The following GNAI1 variants were observed in gnomAD, a reference collection of about 807,000 sequenced individuals.
GNAI1 encodes G protein subunit alpha i1, also known as guanine nucleotide-binding protein G(i) subunit alpha-1.
GNAI1 carries 11 observed loss-of-function variants against 38.9 expected under a neutral mutation model. The observed-to-expected ratio is 0.28, with a 90% CI of 0.18 to 0.47. The LOEUF (loss-of-function observed/expected upper bound fraction) is 0.47. Among genes scored for constraint, GNAI1 ranks in the 20% least tolerant of loss-of-function variants. GNAI1 has a pLI of 0.99. For missense variants in GNAI1, 317 were observed against 436.9 expected (o/e 0.73, Z 2.45); for synonymous variants, 166 against 145.1 (o/e 1.14, Z -1.04).
chr7:80,198,091 T>G (rs371892673), intron 3 of GNAI1, among the ~76,000 whole-genome samples: 11 of 152,080 alleles, frequency 7.2e-5, no homozygotes, highest in African/African-American at 2.4e-4. Context: ...TTGTTTTTTT[T>G]TTAATTGTGT....
Position 80,225,824 on chromosome 7 carries a change from G to A in GNAI1, c.*8331G>A, listed in dbSNP as rs1029179543. Among the ~76,000 whole-genome samples, 13 of 152,070 alleles carry A rather than the reference G, an allele frequency of 8.5e-5. No individual in the cohort carries two copies. The highest frequency in any genetic ancestry group is 7.2e-4 in the Admixed American group (11 of 15,264). ...TTGAGTTCATTAGTTTAATGGGATC[G>A]ATCTGAGAAAAATTAGATTTATGTG... On this transcript the variant is annotated 3_prime_UTR_variant, in exon 8 of 8. Coordinates refer to ENST00000649796, the MANE Select transcript of GNAI1 (RefSeq NM_002069.6).
chr7:80,190,752 G>A (rs1322388667), intron 3 of GNAI1, among the ~76,000 whole-genome samples: 1 of 152,000 alleles, frequency 6.6e-6, no homozygotes, highest in Non-Finnish European at 1.5e-5. Flanking sequence ...TCTGCATTTG[G>A]ATCTTTTATG....
intron 7 of GNAI1, among the ~76,000 whole-genome samples, chr7:80,213,742 G>C (rs1788912085): frequency 6.6e-6 from 1 of 151,740 alleles, no homozygotes; most frequent in South Asian, 2.1e-4. Flanking sequence ...CATTCAGTAT[G>C]CCTTAAAAAA....
intron 5 of GNAI1, among the ~76,000 whole-genome samples, chr7:80,209,755 T>G (rs891478111): frequency 2.0e-5 from 3 of 152,194 alleles, no homozygotes; most frequent in Non-Finnish European, 4.4e-5. Flanking sequence ...CCTGGGCATT[T>G]TAGCAAATGG....
At chr7:80,190,315 A>G (rs1788459774) in intron 3 of GNAI1, among the ~76,000 whole-genome samples, 1 of 152,022 alleles carries the variant, frequency 6.6e-6, no homozygotes, top group Non-Finnish European at 1.5e-5. Flanking sequence ...ACTGTTTTTT[A>G]AACTTTTTTA....
chr7:80,147,685 C>T (rs978202961), intron 1 of GNAI1, among the ~76,000 whole-genome samples: 3 of 152,138 alleles, frequency 2.0e-5, no homozygotes, highest in African/African-American at 7.2e-5. Context: ...AACATGATTT[C>T]CCATTGCTTT....
intron 1 of GNAI1, among the ~76,000 whole-genome samples, chr7:80,157,807 A>G (rs1448557524): frequency 1.3e-5 from 2 of 152,108 alleles, no homozygotes; most frequent in East Asian, 3.9e-4. Context: ...CCCAGATTCA[A>G]ACAATTCTCC....
chr7:80,177,502 A>G (rs1788207349), intron 1 of GNAI1, among the ~76,000 whole-genome samples: 2 of 152,154 alleles, frequency 1.3e-5, no homozygotes, highest in Admixed American at 1.3e-4. Context: ...CTGTTTTTAG[A>G]GACAAGATCT....
chr7:80,201,780 A>G (rs1325499466), intron 4 of GNAI1, among the ~76,000 whole-genome samples: 1 of 152,138 alleles, frequency 6.6e-6, no homozygotes, highest in Non-Finnish European at 1.5e-5. Flanking sequence ...GTTTTACATT[A>G]TTTTATTTCT....
chr7:80,179,418 C>T (rs1222451086), intron 1 of GNAI1, among the ~76,000 whole-genome samples: 1 of 152,176 alleles, frequency 6.6e-6, no homozygotes, highest in Non-Finnish European at 1.5e-5. Context: ...ATCATAGCTT[C>T]AGAACCACTG....
At chr7:80,181,524 T>C (rs1788292794) in intron 1 of GNAI1, among the ~76,000 whole-genome samples, 1 of 152,116 alleles carries the variant, frequency 6.6e-6, no homozygotes, top group Admixed American at 6.6e-5. Context: ...ATCGAGTGGG[T>C]GTGTAGATTC....
rs190261986 is a variant in GNAI1, at chr7:80,159,729, T to A, written c.118+24451T>A. On this transcript the variant is annotated intron_variant, in intron 1 of 7. Transcript: ENST00000649796. ...TCCAGGTAGATATTCTTGATTTCAC[T>A]TTTTTGTATTGTATTAAGAGTCTAG... Among the ~76,000 whole-genome samples, 4 of 152,272 alleles carry A rather than the reference T, an allele frequency of 2.6e-5. No homozygotes were observed. The East Asian group carries it at 7.7e-4, about 29-fold the overall frequency.
At chr7:80,146,693 C>A (rs999413990) in intron 1 of GNAI1, among the ~76,000 whole-genome samples, 2 of 152,142 alleles carry the variant, frequency 1.3e-5, no homozygotes, top group Non-Finnish European at 2.9e-5. Context: ...AGCCACAGTC[C>A]AGTCCATCTC....
At chr7:80,200,277 G>T (rs1316978524) in intron 4 of GNAI1, among the ~76,000 whole-genome samples, 1 of 126,868 alleles carries the variant, frequency 7.9e-6, no homozygotes, top group Non-Finnish European at 1.6e-5. Flanking sequence ...AGTGAGCCAT[G>T]CTCGTACCAC....
intron 1 of GNAI1, among the ~76,000 whole-genome samples, chr7:80,144,971 T>C (rs1787593029): frequency 6.6e-6 from 1 of 152,178 alleles, no homozygotes; most frequent in South Asian, 2.1e-4. Context: ...GCTGGGACTA[T>C]AAGATGGTGC....
intron 1 of GNAI1, among the ~76,000 whole-genome samples, chr7:80,139,999 T>C (rs1476959292): frequency 6.6e-6 from 1 of 151,568 alleles, no homozygotes; most frequent in Non-Finnish European, 1.5e-5. Flanking sequence ...TTTTTCCTTT[T>C]TTTTGACGGA....
At chr7:80,211,436 T>G (rs1788871346) in intron 6 of GNAI1, among the ~76,000 whole-genome samples, 1 of 147,864 alleles carries the variant, frequency 6.8e-6, no homozygotes, top group Non-Finnish European at 1.5e-5. Flanking sequence ...TTTTTTTTTT[T>G]GAGACGGAGT....
chr7:80,163,990 G>A (rs1230501502), intron 1 of GNAI1, among the ~76,000 whole-genome samples: 2 of 148,998 alleles, frequency 1.3e-5, no homozygotes, highest in South Asian at 2.2e-4. Context: ...TTTGGTGGGG[G>A]GACCGAGTCT....
At chr7:80,186,097 A>G (rs1788382855) in intron 1 of GNAI1, among the ~76,000 whole-genome samples, 1 of 146,506 alleles carries the variant, frequency 6.8e-6, no homozygotes. Context: ...CAGCGGCACA[A>G]TCTCCGTTCA....
Sources: gnomAD v4.1 joint callset for allele counts (sites outside exome capture counted in the v4.1 genomes callset) on GRCh38, gnomAD v4.1.1 for gene constraint, MANE v1.5 for transcripts, NCBI Gene and HGNC (gene_info 2026-07-23, HGNC 2026-07-21) for gene names.